The following GRM3 variants were observed in gnomAD, a reference collection of about 807,000 sequenced individuals.
The protein encoded by GRM3 is metabotropic glutamate receptor 3.
In GRM3, 26 loss-of-function variants were observed where a neutral mutation model predicts 70.5. The observed-to-expected ratio is 0.37, with a 90% CI of 0.27 to 0.51. The LOEUF is 0.51. Among genes scored for constraint, GRM3 ranks in the 20% least tolerant of loss-of-function variants. The probability of loss-of-function intolerance (pLI) is 0.93; values close to 1 mark genes in which losing one functional copy is unlikely to be tolerated. For synonymous variants in GRM3, 443 were observed against 434.9 expected (o/e 1.02, Z -0.23); for missense variants, 859 against 1,123.8 (o/e 0.76, Z 3.37).
chr7:86,827,550 G>A (rs534972014), intron 3 of GRM3, among the ~76,000 whole-genome samples: 2 of 148,506 alleles, frequency 1.3e-5, no homozygotes, highest in Non-Finnish European at 3.0e-5. Context: ...TTTTGCTCTT[G>A]TCCCCCAGGC....
In GRM3 at chr7:86,786,317, C is replaced by T. The variant is rs1396361685; in HGVS notation, c.525C>T (p.Ser175=). The T allele has an allele frequency of 6.2e-7, 1 of 1,614,078 alleles. No homozygotes were observed. The highest frequency in any genetic ancestry group is 1.3e-5 in the African/African-American group (1 of 75,048). ...QIPQISYAST[S]AKLSDKSRYD... ...CTCAGATCAGCTACGCATCCACCAG[C>T]GCCAAACTCAGTGATAAGTCGCGCT... Residue 175 remains serine (S), a synonymous_variant, in exon 3 of 6, where the codon AGC becomes AGT. Transcript: ENST00000361669. The surrounding 1 kb of genome is among the most constrained non-coding windows in gnomAD (Gnocchi z 6.0).
intron 1 of GRM3, among the ~76,000 whole-genome samples, chr7:86,708,267 G>C (rs116302002): frequency 0.012 from 1,801 of 152,180 alleles, 30 homozygotes; most frequent in African/African-American, 0.041. Context: ...AAACATTCAG[G>C]CTCCATGCCC....
rs184702265 is a variant in GRM3 at position 86,790,649 on chromosome 7, T to C, written c.1324+3533T>C. On this transcript the variant is annotated intron_variant, in intron 3 of 5. Coordinates refer to ENST00000361669, the MANE Select transcript of GRM3 (RefSeq NM_000840.3). ...CCTACCTATCCTGACTGCTCTCCTG[T>C]CCTCACCTTTTACTCTCCTTCTTTC... Among the ~76,000 whole-genome samples, 151 of 152,154 alleles carry C rather than the reference T, an allele frequency of 9.9e-4. 1 individual carries two copies. Among genetic ancestry groups the C allele is most frequent in the African/African-American group, 3.4e-3 (142 of 41,524 alleles).
At chr7:86,675,559 C>T (rs11979225) in intron 1 of GRM3, among the ~76,000 whole-genome samples, 5,068 of 152,044 alleles carry the variant, frequency 0.033, 278 homozygotes, top group African/African-American at 0.12. Flanking sequence ...CAGATCTGGA[C>T]TTAACATGTT....
chr7:86,768,033 A>C (rs953000571), intron 2 of GRM3, among the ~76,000 whole-genome samples: 1 of 152,110 alleles, frequency 6.6e-6, no homozygotes. Context: ...TCTTCACAGC[A>C]TAAATAAAAG....
At chr7:86,648,391 A>G (rs374239410) in intron 1 of GRM3, among the ~76,000 whole-genome samples, 3 of 152,214 alleles carry the variant, frequency 2.0e-5, no homozygotes, top group African/African-American at 7.2e-5. Flanking sequence ...ATTTTGTGAC[A>G]TGCTGGTCTG....
chr7:86,808,382 T>C (rs1797840003), intron 3 of GRM3, among the ~76,000 whole-genome samples: 1 of 152,000 alleles, frequency 6.6e-6, no homozygotes, highest in Non-Finnish European at 1.5e-5. Context: ...GTCCTGGACT[T>C]TTTTTTGGTT....
chr7:86,811,272 C>T lies in GRM3; in HGVS notation c.1324+24156C>T, dbSNP rs779807039. Among the ~76,000 whole-genome samples the T allele has an allele frequency of 1.2e-3, 189 of 151,848 alleles. 12 individuals are homozygous for T. Among genetic ancestry groups the T allele is most frequent in the Non-Finnish European group, 1.0e-3 (69 of 67,822 alleles). ...CTGAAGGGCTGGAAAAAACATTTAG[C>T]TTTATTTCTTTTCACATTTTTTTTT... On this transcript the variant is annotated intron_variant, in intron 3 of 5. Coordinates refer to ENST00000361669, the MANE Select transcript of GRM3 (RefSeq NM_000840.3).
intron 5 of GRM3, among the ~76,000 whole-genome samples, chr7:86,861,732 G>T (rs1798963274): frequency 6.6e-6 from 1 of 152,126 alleles, no homozygotes. Context: ...ACAAAAAGGG[G>T]GACATGGTCC....
At chr7:86,758,011 C>T (rs560260839) in intron 1 of GRM3, among the ~76,000 whole-genome samples, 16 of 152,124 alleles carry the variant, frequency 1.1e-4, no homozygotes, top group Non-Finnish European at 2.1e-4. Context: ...ATAATGGTAA[C>T]GTCTTCCTAA....
chr7:86,833,986 G>A (rs1798407884), intron 3 of GRM3, among the ~76,000 whole-genome samples: 1 of 152,080 alleles, frequency 6.6e-6, no homozygotes, highest in Non-Finnish European at 1.5e-5. Context: ...ACCAAAAGTA[G>A]CATTTGTTTA....
rs766736488 is a variant in GRM3 at position 86,765,632 on chromosome 7, A to G, written c.468+19A>G. On this transcript the variant is annotated intron_variant, in intron 2 of 5. Coordinates refer to ENST00000361669, the MANE Select transcript of GRM3 (RefSeq NM_000840.3). ...CATACAGGTAAGATTGGCTAATGCT[A>G]TTGCTAAAAGGCTGTATCTCTTTGC... 6.3e-7 allele frequency: 1 copy of G among 1,599,970 alleles called. No homozygotes were observed. Among genetic ancestry groups the G allele is most frequent in the Non-Finnish European group, 8.6e-7 (1 of 1,169,460 alleles).
chr7:86,798,442 C>T (rs774981578), intron 3 of GRM3, among the ~76,000 whole-genome samples: 3 of 152,138 alleles, frequency 2.0e-5, no homozygotes, highest in Non-Finnish European at 4.4e-5. Context: ...GATTTGACTG[C>T]CCTACTGGAT....
At chr7:86,659,545 T>C (rs1793838839) in intron 1 of GRM3, among the ~76,000 whole-genome samples, 3 of 152,064 alleles carry the variant, frequency 2.0e-5, no homozygotes, top group Admixed American at 1.3e-4. Context: ...CAGGAAAGCA[T>C]CCCAAAACTG....
In GRM3 at chr7:86,787,135, A is replaced by C. The variant is rs750649986; in HGVS notation, c.1324+19A>C. The stretch of plus-strand genomic sequence containing the variant: ...TTCACGGGTAAGCCAAGAGCCTTTA[A>C]ACATCTTCTCAGATGCAAACAAGTG... On this transcript the variant is annotated intron_variant, in intron 3 of 5. Transcript: ENST00000361669. The C allele has an allele frequency of 1.3e-6, 2 of 1,577,562 alleles. No homozygotes were observed. Among genetic ancestry groups the C allele is most frequent in the South Asian group, 2.2e-5 (2 of 89,472 alleles).
intron 3 of GRM3, among the ~76,000 whole-genome samples, chr7:86,823,812 A>G (rs1309873499): frequency 6.6e-6 from 1 of 152,082 alleles, no homozygotes; most frequent in Non-Finnish European, 1.5e-5. Context: ...TGACAGCTAG[A>G]TCCCTAGTGT....
At chr7:86,646,006 TG>T (rs1383756914) in intron 1 of GRM3, among the ~76,000 whole-genome samples, 190 of 10,636 alleles carry the variant, frequency 0.018, 9 homozygotes, top group Middle Eastern at 0.15. Flanking sequence ...GGTGGGGGGG[TG>T]GGGGGGGGTG....
At position 86,690,835 on chromosome 7, in the gene GRM3, A is replaced by G. The variant is rs536110856; in HGVS notation, c.-141+45963A>G. ...TGAAGAAGTTATCTGAACACATAAG[A>G]TGAGAAATCATTCTAGGGATTTCAG... On this transcript the variant is annotated intron_variant, in intron 1 of 5. Coordinates refer to ENST00000361669, the MANE Select transcript of GRM3 (RefSeq NM_000840.3). 7.9e-5 allele frequency among the ~76,000 whole-genome samples: 12 copies of G among 152,274 alleles called. No individual in the cohort carries two copies. In the South Asian group the frequency reaches 2.1e-3, roughly 26 times the overall value.
At chr7:86,812,921 C>T (rs1797939970) in intron 3 of GRM3, among the ~76,000 whole-genome samples, 2 of 151,660 alleles carry the variant, frequency 1.3e-5, no homozygotes, top group South Asian at 2.1e-4. Context: ...CTAAACTTCT[C>T]AGTAACACCA....
Sources: gnomAD v4.1 joint callset for allele counts (sites outside exome capture counted in the v4.1 genomes callset) on GRCh38, gnomAD v4.1.1 for gene constraint, Gnocchi (gnomAD v3.1) non-coding constraint, MANE v1.5 for transcripts, NCBI Gene and HGNC (gene_info 2026-07-23, HGNC 2026-07-21) for gene names.